Variants in KHDRBS2 observed in about 807,000 individuals in gnomAD.
The protein encoded by KHDRBS2 is KH RNA binding domain containing, signal transduction associated 2.
KHDRBS2 carries 26 observed loss-of-function variants against 44.3 expected under a neutral mutation model. The ratio of observed to expected loss-of-function variants is 0.59; its 90% confidence interval spans 0.43 to 0.81. KHDRBS2 has a LOEUF of 0.81. KHDRBS2 is among the 40% of genes least tolerant of loss of function. The pLI is 0.00. For synonymous variants in KHDRBS2, 194 were observed against 151.1 expected (o/e 1.28, Z -2.08); for missense variants, 476 against 433.1 (o/e 1.10, Z -0.88).
chr6:61,608,905 G>A, the KHDRBS2 span, among the ~76,000 whole-genome samples: 1 of 152,160 alleles, frequency 6.6e-6, no homozygotes, highest in Admixed American at 6.5e-5. Context: ...ACATATGTGT[G>A]TATGTGTCTT....
intron 6 of KHDRBS2, among the ~76,000 whole-genome samples, chr6:61,890,327 C>A (rs1226635681): frequency 6.6e-6 from 1 of 152,138 alleles, no homozygotes; most frequent in Non-Finnish European, 1.5e-5. Context: ...AAGGAACATA[C>A]TCACCTCTTA....
At chr6:61,927,384 A>G (rs1352535179) in intron 4 of KHDRBS2, among the ~76,000 whole-genome samples, 2 of 152,140 alleles carry the variant, frequency 1.3e-5, no homozygotes, top group Admixed American at 6.6e-5. Context: ...AAATTATCCT[A>G]TAAGACATAT....
chr6:61,812,562 A>G, intron 6 of KHDRBS2, among the ~76,000 whole-genome samples: 1 of 152,086 alleles, frequency 6.6e-6, no homozygotes, highest in East Asian at 1.9e-4. Context: ...ATAATGAAAA[A>G]TAAGAGCCAT....
chr6:61,820,496 G>T (rs1789725814), intron 6 of KHDRBS2, among the ~76,000 whole-genome samples: 1 of 151,794 alleles, frequency 6.6e-6, no homozygotes, highest in Non-Finnish European at 1.5e-5. Flanking sequence ...TTATAGAACA[G>T]AAATTATATT....
intron 1 of KHDRBS2, among the ~76,000 whole-genome samples, chr6:62,186,451 G>T (rs1823433218): frequency 6.6e-6 from 1 of 151,980 alleles, no homozygotes; most frequent in Admixed American, 6.6e-5. Flanking sequence ...TCAATGTCAT[G>T]TATTTCACAA....
chr6:62,030,759 T>C (rs1323877313), intron 3 of KHDRBS2, among the ~76,000 whole-genome samples: 1 of 152,100 alleles, frequency 6.6e-6, no homozygotes, highest in African/African-American at 2.4e-5. Context: ...TATATAAATG[T>C]CCTTGTGCTT....
the KHDRBS2 span, among the ~76,000 whole-genome samples, chr6:61,659,367 G>C: frequency 1.3e-5 from 2 of 151,646 alleles, no homozygotes; most frequent in African/African-American, 4.8e-5. Context: ...GTCAGAGCTG[G>C]AGAGGCCTGC....
intron 6 of KHDRBS2, among the ~76,000 whole-genome samples, chr6:61,797,119 T>C (rs574515019): frequency 6.6e-6 from 1 of 152,128 alleles, no homozygotes; most frequent in African/African-American, 2.4e-5. Flanking sequence ...AAATACTAAA[T>C]ACCCCTGAGG....
intron 6 of KHDRBS2, among the ~76,000 whole-genome samples, chr6:61,801,035 TA>T (rs1554215216): frequency 6.6e-6 from 1 of 152,182 alleles, no homozygotes; most frequent in Non-Finnish European, 1.5e-5. Flanking sequence ...TGCACCTGTC[TA>T]AGGATGATAA....
chr6:61,599,122 G>T, the KHDRBS2 span, among the ~76,000 whole-genome samples: 2 of 151,776 alleles, frequency 1.3e-5, no homozygotes, highest in Non-Finnish European at 1.5e-5. Context: ...TTTTAGTAGA[G>T]ACGAGGTTTC....
At chr6:61,641,568 G>T in the KHDRBS2 span, among the ~76,000 whole-genome samples, 1 of 152,066 alleles carries the variant, frequency 6.6e-6, no homozygotes, top group African/African-American at 2.4e-5. Context: ...GTCAGAATTA[G>T]CCTCTTACTC....
intron 2 of KHDRBS2, among the ~76,000 whole-genome samples, chr6:62,135,872 G>A (rs891026145): frequency 6.6e-6 from 1 of 151,924 alleles, no homozygotes; most frequent in Non-Finnish European, 1.5e-5. Flanking sequence ...AACAAAAAAA[G>A]GACTGTAAGA....
chr6:61,914,797 A>G (rs1201874045), intron 4 of KHDRBS2, among the ~76,000 whole-genome samples: 2 of 152,250 alleles, frequency 1.3e-5, no homozygotes, highest in East Asian at 3.9e-4. Context: ...TTGCTTAGGA[A>G]AAAATTAAAA....
the KHDRBS2 span, among the ~76,000 whole-genome samples, chr6:61,669,325 C>A: frequency 6.6e-6 from 1 of 150,720 alleles, no homozygotes; most frequent in Non-Finnish European, 1.5e-5. Flanking sequence ...TTCATTTTTA[C>A]CCCTGACTCT....
At chr6:61,892,698 T>TTTCAGCTTTCC (rs1400243697) in intron 6 of KHDRBS2, among the ~76,000 whole-genome samples, 1 of 152,190 alleles carries the variant, frequency 6.6e-6, no homozygotes, top group Non-Finnish European at 1.5e-5. Context: ...TCGCTAGCCA[T>TTTCAGCTTTCC]ATGTAGAAAG....
rs528414616 is a variant in KHDRBS2, at chr6:61,749,470, GC to G, written c.811-16707del. ...AAACTTTACTGTAGAAGCATAAAAA[GC>G]CAAAGCACTTAGATTTATAAATGAT... is the stretch of plus-strand genomic sequence containing the variant. On this transcript the variant is annotated intron_variant, in intron 6 of 8. Transcript: ENST00000281156. 1.7e-3 allele frequency among the ~76,000 whole-genome samples: 260 copies of G among 152,242 alleles called. 2 individuals are homozygous for G. The highest frequency in any genetic ancestry group is 5.9e-3 in the African/African-American group (246 of 41,552).
chr6:62,045,875 G>A (rs923217425), intron 3 of KHDRBS2, among the ~76,000 whole-genome samples: 9 of 149,518 alleles, frequency 6.0e-5, no homozygotes, highest in Non-Finnish European at 1.3e-4. Context: ...ATCCATGCCT[G>A]TGATTTTATT....
chr6:61,992,557 A>G (rs1584017514), intron 3 of KHDRBS2, among the ~76,000 whole-genome samples: 2 of 152,142 alleles, frequency 1.3e-5, no homozygotes, highest in African/African-American at 4.8e-5. Flanking sequence ...ATTTGGCTCC[A>G]TGGGACCATG....
At chr6:62,180,154 C>T (rs963109996) in intron 1 of KHDRBS2, among the ~76,000 whole-genome samples, 2 of 151,724 alleles carry the variant, frequency 1.3e-5, no homozygotes, top group South Asian at 2.1e-4. Context: ...GGGGATGCCC[C>T]GTCTTACAAC....
Sources: gnomAD v4.1 joint callset for allele counts (sites outside exome capture counted in the v4.1 genomes callset) on GRCh38, gnomAD v4.1.1 for gene constraint, MANE v1.5 for transcripts, NCBI Gene and HGNC (gene_info 2026-07-23, HGNC 2026-07-21) for gene names.